The following TONSL variants were observed in gnomAD, a reference collection of about 807,000 sequenced individuals.
TONSL encodes the protein tonsoku like, DNA repair protein.
A neutral mutation model predicts 147.1 loss-of-function variants in TONSL; 112 were observed. The observed-to-expected ratio is 0.76, with a 90% CI of 0.65 to 0.89. TONSL has a LOEUF of 0.89. Among genes scored for constraint, TONSL ranks in the 40% least tolerant of loss-of-function variants. TONSL has a pLI of 0.00. For missense variants in TONSL, 1,883 were observed against 1,864.6 expected (o/e 1.01, Z -0.18); for synonymous variants, 868 against 801.5 (o/e 1.08, Z -1.40).
chr8:144,436,517 G>C, intron 16 of TONSL, 41 bp downstream of exon 16: 1 of 1,597,270 alleles, frequency 6.3e-7, no homozygotes, highest in East Asian at 2.2e-5. Context: ...GACTCTCAGC[G>C]TAGGCACAGC....
In TONSL at chr8:144,436,600, T is replaced by C. The variant is rs1400468026; in HGVS notation, c.1972A>G (p.Arg658Gly). 7 of 1,611,598 alleles carry C rather than the reference T, an allele frequency of 4.3e-6. No individual in the cohort carries two copies. The change falls in exon 16 of 26, where the codon AGG (arginine) becomes GGG (glycine). Residue 658 changes from arginine to glycine, a missense_variant. Transcript: ENST00000409379. ...GCCTGGAGCAGCATCTCCATGGCCC[T>C]GGCCTTCTGCCGCGTCTCCAGGTCC... is the stretch of plus-strand genomic sequence containing the variant. The part of the protein sequence containing the change: ...DLDLETRQKA[R>G]AMEMLLQAAA...
At chr8:144,438,861 A>AGGCTGCTGGGCTCTGG (rs1823586506) in intron 11 of TONSL, 126 bp from the exon 12 acceptor site, 1 of 991,568 alleles carries the variant, frequency 1.0e-6, no homozygotes, top group Admixed American at 2.0e-5. Context: ...CTGAGCTCTG[A>AGGCTGCTGGGCTCTGG]GGCTGCTGGG....
In TONSL at chr8:144,444,177, C is replaced by T. The variant is rs1823824434; in HGVS notation, c.121+3G>A. On this transcript the variant is annotated splice_donor_region_variant and intron_variant, in intron 2 of 25. Coordinates refer to ENST00000409379, the MANE Select transcript of TONSL (RefSeq NM_013432.5). ...CCTCCCGCCTCCTGGTCCCGGCGCTCACCATGGCCGGCCAGGAGCTCCCCC... is the reference window on the plus strand; with the variant it reads ...CCTCCCGCCTCCTGGTCCCGGCGCTTACCATGGCCGGCCAGGAGCTCCCCC... The T allele has an allele frequency of 4.8e-6, 7 of 1,444,344 alleles. No homozygotes were observed. Among genetic ancestry groups the T allele is most frequent in the Non-Finnish European group, 6.4e-6 (7 of 1,101,406 alleles). 89.5% of individuals were successfully genotyped at this position (1,444,344 alleles called of 1,614,324 possible).
At position 144,433,731 on chromosome 8, in the gene TONSL, T is replaced by C; in HGVS notation, c.3416A>G (p.Asn1139Ser). ...QSLEELDLSM[N>S]PLGDGCGQSL... Reference sequence around the variant, plus strand: ...CTGGCCACAGCCGTCCCCCAGGGGGTTCATGCTTAAGTCCAGCTCCTCCAA... The same window carrying C: ...CTGGCCACAGCCGTCCCCCAGGGGGCTCATGCTTAAGTCCAGCTCCTCCAA... The change falls in exon 22 of 26, where the codon AAC (asparagine) becomes AGC (serine). Residue 1139 changes from asparagine to serine, a missense_variant. Transcript: ENST00000409379. The C allele has an allele frequency of 6.3e-7, 1 of 1,596,066 alleles. No homozygotes were observed. The highest frequency in any genetic ancestry group is 8.5e-7 in the Non-Finnish European group (1 of 1,172,110).
chr8:144,431,879 G>GA (rs1823214354), intron 23 of TONSL, among the ~76,000 whole-genome samples: 1 of 147,824 alleles, frequency 6.8e-6, no homozygotes, highest in Non-Finnish European at 1.5e-5. Flanking sequence ...ACCCAGGCTG[G>GA]GTGCAATGGT....
Position 144,443,141 on chromosome 8 carries a change from C to T in TONSL, c.445G>A (p.Glu149Lys). The part of the protein sequence containing the change: ...KSLAIVDEEL[E>K]GTLAQGELNE... ...AAACGCGGAGGGGTCTGCCCACCCTCCAGCTCCTCATCCACAATAGCCAAG... is the reference window on the plus strand; with the variant it reads ...AAACGCGGAGGGGTCTGCCCACCCTTCAGCTCCTCATCCACAATAGCCAAG... Residue 149 changes from glutamate to lysine, a missense_variant, in exon 4 of 26, where the codon GAG (glutamate) becomes AAG (lysine). Glu to Lys is a moderately conservative substitution (Grantham distance 56). Transcript: ENST00000409379. 1.1e-5 allele frequency: 17 copies of T among 1,550,348 alleles called. 1 individual carries two copies. The highest frequency in any genetic ancestry group is 4.9e-5 in the East Asian group (2 of 40,928).
chr8:144,440,114 C>T lies in TONSL; in HGVS notation c.1387G>A (p.Glu463Lys). 5 of 1,612,142 alleles carry T rather than the reference C, an allele frequency of 3.1e-6. No homozygotes were observed. The highest frequency in any genetic ancestry group is 3.3e-4 in the Middle Eastern group (2 of 6,058). Residue 463 changes from glutamate (E) to lysine (K), a missense_variant, in exon 11 of 26, where the codon GAA (glutamate) becomes AAA (lysine). Glu to Lys is a moderately conservative substitution (Grantham distance 56). Transcript: ENST00000409379. ...GCCTCCTCCTCCTCATCTTCATCTT[C>T]AGCTACACTGAGCTCCCGTAGTCTG... ...ETRLRELSVA[E>K]DEDEEEEAEE...
At chr8:144,436,531 C>G in intron 16 of TONSL, 27 bp downstream of exon 16, 1 of 1,604,406 alleles carries the variant, frequency 6.2e-7, no homozygotes. Flanking sequence ...GCACAGCAAC[C>G]CCAGGGACAA....
In TONSL at chr8:144,428,832, C is replaced by T. The variant is rs1260905538; in HGVS notation, c.*311G>A. ...TGAGACGGAGTCTCGGTCTGTCGCCCAGGCTGGAGTGCAGTGGTGCGATCT... is the reference window on the plus strand; with the variant it reads ...TGAGACGGAGTCTCGGTCTGTCGCCTAGGCTGGAGTGCAGTGGTGCGATCT... On this transcript the variant is annotated 3_prime_UTR_variant, in exon 26 of 26. Transcript: ENST00000409379. 2 of 250,136 alleles carry T rather than the reference C, an allele frequency of 8.0e-6. No individual in the cohort carries two copies. The highest frequency in any genetic ancestry group is 2.2e-5 in the African/African-American group (1 of 44,818). The allele number at this position is 250,136 out of a possible 1,614,324, so 15.5% of individuals were successfully genotyped here. A position where few individuals can be genotyped will look rare whatever the true frequency, so the allele number is the denominator to read the frequency against.
intron 22 of TONSL, 111 bp downstream of exon 22, chr8:144,433,476 TG>T: frequency 9.4e-7 from 1 of 1,059,958 alleles, no homozygotes; most frequent in Non-Finnish European, 1.4e-6. Flanking sequence ...CTCAAGTAGC[TG>T]GGACCACAGG....
intron 11 of TONSL, 161 bp downstream of exon 11, chr8:144,439,860 C>T: frequency 1.8e-6 from 1 of 565,970 alleles, no homozygotes. Flanking sequence ...CCCTGCGGGT[C>T]ACCACCTTCT....
rs1356836106 is a variant in TONSL, at chr8:144,442,063, G to C, written c.839C>G (p.Ala280Gly). The C allele has an allele frequency of 6.2e-7, 1 of 1,612,820 alleles. No homozygotes were observed. Among genetic ancestry groups the C allele is most frequent in the South Asian group, 1.1e-5 (1 of 91,082 alleles). The change falls in exon 7 of 26, where the codon GCA becomes GGA. Residue 280 changes from alanine to glycine, a missense_variant. Transcript: ENST00000409379. Reference protein sequence around the residue: ...RLGSQKPVQRAAICQNLQHVL... With the variant: ...RLGSQKPVQRGAICQNLQHVL... Reference sequence around the variant, plus strand: ...ATGCTGGAGGTTCTGACAGATGGCTGCCCTCTGCACAGGCTTCTGGGAGCC... The same window carrying C: ...ATGCTGGAGGTTCTGACAGATGGCTCCCCTCTGCACAGGCTTCTGGGAGCC...
At position 144,444,014 on chromosome 8, in the gene TONSL, G is replaced by A; in HGVS notation, c.132C>T (p.Ala44=). The change falls in exon 3 of 26, where the codon GCC becomes GCT. Residue 44 remains alanine (A), a synonymous_variant. Coordinates refer to ENST00000409379, the MANE Select transcript of TONSL (RefSeq NM_013432.5). ...CCTGCCAGTGCTGCTCCAGAGCCTC[G>A]GCGTAGCGGCCTAGGCGGGGGCACA... ...GELLAGHGRY[A]EALEQHWQEL... The A allele has an allele frequency of 6.5e-7, 1 of 1,537,048 alleles. No individual in the cohort carries two copies. The highest frequency in any genetic ancestry group is 8.7e-7 in the Non-Finnish European group (1 of 1,146,168).
chr8:144,439,869 C>T, intron 11 of TONSL, 152 bp downstream of exon 11: 1 of 579,556 alleles, frequency 1.7e-6, no homozygotes, highest in Non-Finnish European at 3.0e-6. Flanking sequence ...TCACCACCTT[C>T]TCTGTCCAGT....
intron 5 of TONSL, 85 bp downstream of exon 5, chr8:144,442,589 CAGG>C: frequency 1.3e-6 from 2 of 1,539,316 alleles, no homozygotes; most frequent in Non-Finnish European, 1.8e-6. Context: ...ACTGCTCTCT[CAGG>C]AGGACTCTGG....
intron 5 of TONSL, 60 bp from the exon 6 acceptor site, chr8:144,442,472 C>T: frequency 6.7e-7 from 1 of 1,501,340 alleles, no homozygotes; most frequent in Non-Finnish European, 8.9e-7. Context: ...GCTGATGCCA[C>T]ACGGGCCCCA....
In TONSL at chr8:144,436,659, A is replaced by G. The variant is rs1399802902; in HGVS notation, c.1913T>C (p.Leu638Pro). Residue 638 changes from leucine to proline, a missense_variant, in exon 16 of 26, where the codon CTG becomes CCG. Physicochemically the swap from Leu to Pro is moderately conservative, Grantham distance 98. Transcript: ENST00000409379. ...TRKGLSPLET[L>P]QQWVKLYRRD... Reference sequence around the variant, plus strand: ...GCGGTACAGCTTCACCCACTGCTGCAGCGTCTCCAGCGGGCTGAGGCCCTG... The same window carrying G: ...GCGGTACAGCTTCACCCACTGCTGCGGCGTCTCCAGCGGGCTGAGGCCCTG... The G allele has an allele frequency of 6.2e-7, 1 of 1,612,180 alleles. No individual in the cohort carries two copies. The highest frequency in any genetic ancestry group is 8.5e-7 in the Non-Finnish European group (1 of 1,179,932).
chr8:144,433,787 C>G (rs1554879263), intron 21 of TONSL, 28 bp from the exon 22 acceptor site: 1 of 1,537,378 alleles, frequency 6.5e-7, no homozygotes, highest in Admixed American at 2.0e-5. Context: ...TGGCAGTGAG[C>G]CCCCAGCAGT....
chr8:144,444,132 G>A, intron 2 of TONSL, 48 bp downstream of exon 2: 9 of 1,318,830 alleles, frequency 6.8e-6, no homozygotes, highest in Non-Finnish European at 7.7e-6. Flanking sequence ...ATCCCGGCCC[G>A]GGCCCGGGCC....
Sources: gnomAD v4.1 joint callset for allele counts (sites outside exome capture counted in the v4.1 genomes callset) on GRCh38, gnomAD v4.1.1 for gene constraint, MANE v1.5 for transcripts, NCBI Gene and HGNC (gene_info 2026-07-23, HGNC 2026-07-21) for gene names.